The following MON1A variants were observed in gnomAD, a reference collection of about 807,000 sequenced individuals.
MON1A encodes the protein MON1 vesicular trafficking associated A.
A neutral mutation model predicts 44.6 loss-of-function variants in MON1A; 29 were observed. That is an observed-to-expected ratio of 0.65 (90% confidence interval 0.48 to 0.89). MON1A has a LOEUF of 0.89. MON1A is among the 40% of genes least tolerant of loss of function. The pLI, the probability that MON1A is intolerant of heterozygous loss-of-function variation, is 0.00. For synonymous variants in MON1A, 275 were observed against 316.4 expected (o/e 0.87, Z 1.39); for missense variants, 615 against 759.6 (o/e 0.81, Z 2.24).
intron 1 of MON1A, among the ~76,000 whole-genome samples, chr3:49,916,260 A>G (rs543198372): frequency 6.6e-6 from 1 of 152,328 alleles, no homozygotes; most frequent in African/African-American, 2.4e-5. Flanking sequence ...CCAAACAGAT[A>G]GCATCACCAT....
chr3:49,916,153 C>CT (rs368755105), intron 1 of MON1A, among the ~76,000 whole-genome samples: 35 of 152,338 alleles, frequency 2.3e-4, no homozygotes, highest in Admixed American at 4.6e-4. Context: ...TAACTGAGCT[C>CT]TTGTCCCCTC....
At chr3:49,926,217 C>T (rs1478883514) in intron 1 of MON1A, among the ~76,000 whole-genome samples, 1 of 152,188 alleles carries the variant, frequency 6.6e-6, no homozygotes, top group Non-Finnish European at 1.5e-5. Context: ...CTCCTGGGCA[C>T]TCTTTAACTT....
At position 49,909,529 on chromosome 3, in the gene MON1A, G is replaced by C; in HGVS notation, c.1380-129C>G. On this transcript the variant is annotated intron_variant, in intron 4 of 5. Transcript: ENST00000296473. This position sits in a 1 kb window ranked among gnomAD's most constrained non-coding sequence, Gnocchi z 4.0. ...GTCCTACCCTCCAGGTGCTCCCTTAGGACAGGGCATTGTCTCCCCACCATA... is the reference window on the plus strand; with the variant it reads ...GTCCTACCCTCCAGGTGCTCCCTTACGACAGGGCATTGTCTCCCCACCATA... The C allele has an allele frequency of 7.8e-7, 1 of 1,279,428 alleles. No individual in the cohort carries two copies. 79.3% of individuals were successfully genotyped at this position (1,279,428 alleles called of 1,614,324 possible).
rs763262031 is a variant in MON1A, at chr3:49,911,893, C to A, written c.246G>T (p.Pro82=). ...TGATCTGGCGCATGTCTGTAGGCAG[C>A]GGCGGGGGACCCCTGGTACCCTCCT... ...SHKEGTRGPP[P]LPTDMRQISQ... Residue 82 remains proline (P), a synonymous_variant, in exon 3 of 6, where the codon CCG becomes CCT. Coordinates refer to ENST00000296473, the MANE Select transcript of MON1A (RefSeq NM_032355.4). This position sits in a 1 kb window ranked among gnomAD's most constrained non-coding sequence, Gnocchi z 5.7. The A allele has an allele frequency of 1.2e-6, 2 of 1,614,006 alleles. No homozygotes were observed. The highest frequency in any genetic ancestry group is 2.2e-5 in the South Asian group (2 of 91,088).
Position 49,910,404 on chromosome 3 carries a change from G to A in MON1A, c.1094C>T (p.Thr365Met), listed in dbSNP as rs2082861623. ...GTTGAATTTGGGCAGGCACACGGGC[G>A]TCCAGGCCTCGCCCTCGCGAAAGGA... ...SSSFREGEAW[T>M]PVCLPKFNAA... is the part of the protein sequence containing the mutation. Residue 365 changes from threonine to methionine, a missense_variant, in exon 4 of 6, where the codon ACG becomes ATG. Transcript: ENST00000296473. This position sits in a 1 kb window ranked among gnomAD's most constrained non-coding sequence, Gnocchi z 8.0. 3 of 1,614,236 alleles carry A rather than the reference G, an allele frequency of 1.9e-6. No homozygotes were observed. Among genetic ancestry groups the A allele is most frequent in the Non-Finnish European group, 2.5e-6 (3 of 1,180,044 alleles).
chr3:49,929,445 G>C (rs981438716), intron 1 of MON1A, 164 bp downstream of exon 1: 1 of 812,762 alleles, frequency 1.2e-6, no homozygotes, highest in African/African-American at 1.8e-5. Context: ...GTATTCCCCA[G>C]CTGGGGACTA....
Position 49,909,384 on chromosome 3 carries a change from G to A in MON1A, c.1396C>T (p.Pro466Ser), listed in dbSNP as rs764554222. The A allele has an allele frequency of 2.5e-6, 4 of 1,614,036 alleles. No individual in the cohort carries two copies. The Admixed American group carries it at 6.7e-5, about 27-fold the overall frequency. Residue 466 changes from proline (P) to serine (S), a missense_variant, in exon 5 of 6, where the codon CCA becomes TCA. Transcript: ENST00000296473. This position sits in a 1 kb window ranked among gnomAD's most constrained non-coding sequence, Gnocchi z 4.0. ...GLFTSPEIEA[P>S]YTSEEEQERL... ...TCCTGCTCCTCTTCACTGGTGTATG[G>A]GGCCTCAATCTCAGGGCTGCAGACA...
intron 1 of MON1A, among the ~76,000 whole-genome samples, chr3:49,921,218 C>T (rs111602407): frequency 2.6e-5 from 4 of 151,300 alleles, no homozygotes; most frequent in African/African-American, 7.3e-5. Flanking sequence ...AGTGCAGTGG[C>T]GCGATCTCAG....
intron 1 of MON1A, 106 bp from the exon 2 acceptor site, chr3:49,913,465 C>G (rs904898140): frequency 9.6e-7 from 1 of 1,040,516 alleles, no homozygotes; most frequent in Non-Finnish European, 1.4e-6. Flanking sequence ...ACTCCACTAA[C>G]TCAAATCTCT....
At chr3:49,929,500 C>T (rs2083076549) in intron 1 of MON1A, 109 bp downstream of exon 1, 1 of 1,292,710 alleles carries the variant, frequency 7.7e-7, no homozygotes, top group Non-Finnish European at 1.1e-6. Context: ...CCATTGCAAA[C>T]GATAGCGTTG....
intron 2 of MON1A, chr3:49,912,391 C>T (rs2082897044): frequency 1.6e-5 from 3 of 192,972 alleles, no homozygotes; most frequent in Non-Finnish European, 3.1e-5. Flanking sequence ...CTGTCTCCTA[C>T]CTCCCCAAGA....
rs760115214 is a variant in MON1A at position 49,909,222 on chromosome 3, T to C, written c.1527+31A>G. On this transcript the variant is annotated intron_variant, in intron 5 of 5. Transcript: ENST00000296473. The surrounding 1 kb of genome is among the most constrained non-coding windows in gnomAD (Gnocchi z 4.0). ...TCATGGCCCATACCTAGGACCTCCATAAAGCCCAGCCCATCCCAGGGCTGC... is the reference window on the plus strand; with the variant it reads ...TCATGGCCCATACCTAGGACCTCCACAAAGCCCAGCCCATCCCAGGGCTGC... 4.0e-5 allele frequency: 64 copies of C among 1,613,366 alleles called. No individual in the cohort carries two copies. Among genetic ancestry groups the C allele is most frequent in the Non-Finnish European group, 5.3e-5 (63 of 1,179,800 alleles).
Position 49,908,941 on chromosome 3 carries a change from GC to G in MON1A, c.*72del. On this transcript the variant is annotated 3_prime_UTR_variant, in exon 6 of 6. Coordinates refer to ENST00000296473, the MANE Select transcript of MON1A (RefSeq NM_032355.4). ...CCCGCTGGCTGGGCAAGAGAGGCCAGCCCCCATCTGGAGGCTCCTATGGCTT... is the reference window on the plus strand; with the variant it reads ...CCCGCTGGCTGGGCAAGAGAGGCCAGCCCCATCTGGAGGCTCCTATGGCTT... 6.6e-6 allele frequency: 10 copies of G among 1,523,368 alleles called. No individual in the cohort carries two copies. Among genetic ancestry groups the G allele is most frequent in the Non-Finnish European group, 8.8e-6 (10 of 1,131,458 alleles). The allele number at this position is 1,523,368 out of a possible 1,614,324, so 94.4% of individuals were successfully genotyped here.
chr3:49,911,926 G>A lies in MON1A; in HGVS notation c.213C>T (p.Asp71=). ...GACCCCTGGTACCCTCCTTGTGGCT[G>A]TCCCCAGAAGCTGCCCCATCCTCTG... is the stretch of plus-strand genomic sequence containing the variant. ...TESEDGAASG[D]SHKEGTRGPP... The change falls in exon 3 of 6, where the codon GAC becomes GAT. Residue 71 remains aspartate, a synonymous_variant. Transcript: ENST00000296473. This position sits in a 1 kb window ranked among gnomAD's most constrained non-coding sequence, Gnocchi z 5.7. 6.2e-7 allele frequency: 1 copy of A among 1,613,630 alleles called. No individual in the cohort carries two copies. Among genetic ancestry groups the A allele is most frequent in the South Asian group, 1.1e-5 (1 of 91,062 alleles).
At chr3:49,915,109 G>A (rs1030683741) in intron 1 of MON1A, among the ~76,000 whole-genome samples, 2 of 152,204 alleles carry the variant, frequency 1.3e-5, no homozygotes, top group African/African-American at 2.4e-5. Context: ...TCTTGATCAC[G>A]CCTCTATGAG....
chr3:49,910,601 C>T lies in MON1A; in HGVS notation c.897G>A (p.Ala299=), dbSNP rs1444835377. 3 of 1,603,484 alleles carry T rather than the reference C, an allele frequency of 1.9e-6. No homozygotes were observed. In the African/African-American group the frequency reaches 4.0e-5, roughly 21 times the overall value. ...LMGAARCLPL[A]AAVRDTVSAS... is the part of the protein sequence containing the mutation. ...CGCTCACAGTGTCGCGCACGGCCGCCGCCAGGGGCAGGCACCGTGCCGCCC... is the reference window on the plus strand; with the variant it reads ...CGCTCACAGTGTCGCGCACGGCCGCTGCCAGGGGCAGGCACCGTGCCGCCC... The change falls in exon 4 of 6, where the codon GCG becomes GCA. Residue 299 remains alanine (A), a synonymous_variant. Transcript: ENST00000296473. This position sits in a 1 kb window ranked among gnomAD's most constrained non-coding sequence, Gnocchi z 8.0.
rs1377369951 is a variant in MON1A, at chr3:49,911,773, T to C, written c.366A>G (p.Glu122=). The C allele has an allele frequency of 8.7e-6, 14 of 1,613,290 alleles. No homozygotes were observed. Among genetic ancestry groups the C allele is most frequent in the Non-Finnish European group, 1.1e-5 (13 of 1,179,746 alleles). ...MLPGSSEDWL[E]PPGAVGRPAT... ...CTGGTCGCCCAACTGCCCCTGGGGG[T>C]TCCAGCCAATCCTCAGAGCTTCCTG... Residue 122 remains glutamate (E), a synonymous_variant, in exon 3 of 6, where the codon GAA becomes GAG. Coordinates refer to ENST00000296473, the MANE Select transcript of MON1A (RefSeq NM_032355.4). The surrounding 1 kb of genome is among the most constrained non-coding windows in gnomAD (Gnocchi z 5.7).
At chr3:49,919,376 C>T (rs1575477019) in intron 1 of MON1A, among the ~76,000 whole-genome samples, 1 of 152,180 alleles carries the variant, frequency 6.6e-6, no homozygotes, top group Non-Finnish European at 1.5e-5. Context: ...AACAAACAAA[C>T]CCCCTCAAAA....
In MON1A at chr3:49,909,271, G is replaced by A. The variant is rs201362782; in HGVS notation, c.1509C>T (p.Asn503=). ...GCCTTACCCAGGCCAGGAGGTTCTC[G>A]TTGGGGCCCGTGTAGTAAATGGTCT... ...PLKTIYYTGP[N]ENLLAWVTGA... Residue 503 remains asparagine, a synonymous_variant, in exon 5 of 6, where the codon AAC becomes AAT. Transcript: ENST00000296473. This position sits in a 1 kb window ranked among gnomAD's most constrained non-coding sequence, Gnocchi z 4.0. The A allele has an allele frequency of 2.4e-5, 39 of 1,614,024 alleles. No homozygotes were observed. The highest frequency in any genetic ancestry group is 8.0e-5 in the African/African-American group (6 of 75,034).
Sources: gnomAD v4.1 joint callset for allele counts (sites outside exome capture counted in the v4.1 genomes callset) on GRCh38, gnomAD v4.1.1 for gene constraint, Gnocchi (gnomAD v3.1) non-coding constraint, MANE v1.5 for transcripts, NCBI Gene and HGNC (gene_info 2026-07-23, HGNC 2026-07-21) for gene names.